The following ASAP2 variants were observed in gnomAD, a reference collection of about 807,000 sequenced individuals.
ASAP2 encodes the protein arf-GAP with SH3 domain, ANK repeat and PH domain-containing protein 2.
A neutral mutation model predicts 131.4 loss-of-function variants in ASAP2; 45 were observed. That is an observed-to-expected ratio of 0.34 (90% CI 0.27 to 0.44). ASAP2 has a LOEUF of 0.44. ASAP2 is among the 20% of genes least tolerant of loss of function. The pLI is 1.00. For synonymous variants in ASAP2, 510 were observed against 503.0 expected (o/e 1.01, Z -0.19); for missense variants, 1,011 against 1,297.0 (o/e 0.78, Z 3.39).
intron 1 of ASAP2, among the ~76,000 whole-genome samples, chr2:9,226,207 A>C (rs1662756597): frequency 6.6e-6 from 1 of 152,194 alleles, no homozygotes; most frequent in Non-Finnish European, 1.5e-5. Flanking sequence ...ATTATAATAA[A>C]ACTCTTAAAA....
intron 1 of ASAP2, among the ~76,000 whole-genome samples, chr2:9,227,043 A>C (rs2148008046): frequency 6.6e-6 from 1 of 152,278 alleles, no homozygotes; most frequent in South Asian, 2.1e-4. Flanking sequence ...CCTGGCGAGA[A>C]GGAAGTATGT....
rs1191361512 is a variant in ASAP2 at position 9,344,759 on chromosome 2, T to C, written c.982T>C (p.Cys328Arg). ...GIRKVWQKRK[C>R]SVKNGFLTIS... ...CCGAAAAGTGTGGCAGAAAAGGAAA[T>C]GTTCAGTTAAAAATGGTTTTCTGAC... The change falls in exon 11 of 28, where the codon TGT (cysteine) becomes CGT (arginine). Residue 328 changes from cysteine to arginine, a missense_variant. Physicochemically the swap from Cys to Arg is radical, Grantham distance 180. Transcript: ENST00000281419. 1.9e-6 allele frequency: 3 copies of C among 1,614,180 alleles called. No individual in the cohort carries two copies. Among genetic ancestry groups the C allele is most frequent in the Non-Finnish European group, 1.7e-6 (2 of 1,180,004 alleles).
chr2:9,364,729 A>C (rs542244579), intron 15 of ASAP2, among the ~76,000 whole-genome samples: 3 of 152,372 alleles, frequency 2.0e-5, no homozygotes, highest in South Asian at 4.1e-4. Flanking sequence ...ACTGTCTTCT[A>C]AGTTCACCTA....
intron 14 of ASAP2, 29 bp downstream of exon 14, chr2:9,356,374 G>A (rs770211523): frequency 2.6e-6 from 4 of 1,533,728 alleles, no homozygotes; most frequent in Non-Finnish European, 3.5e-6. Context: ...CCGACCCTGG[G>A]CTCTAGGACA....
At chr2:9,346,326 G>C (rs1006789337) in intron 11 of ASAP2, among the ~76,000 whole-genome samples, 14 of 151,798 alleles carry the variant, frequency 9.2e-5, no homozygotes, top group Non-Finnish European at 1.6e-4. Flanking sequence ...CTTGGGAGGA[G>C]AGAATTGCTT....
intron 6 of ASAP2, among the ~76,000 whole-genome samples, chr2:9,325,423 A>C (rs74665000): frequency 0.017 from 2,539 of 152,326 alleles, 88 homozygotes; most frequent in African/African-American, 0.058. Flanking sequence ...TTTTACAAAC[A>C]ATCAGGGTGA....
At chr2:9,208,190 A>C (rs977008301) in intron 1 of ASAP2, among the ~76,000 whole-genome samples, 2 of 152,006 alleles carry the variant, frequency 1.3e-5, no homozygotes, top group African/African-American at 2.4e-5. Flanking sequence ...AGTGCTTAGC[A>C]CTCTGCTCGG....
chr2:9,402,405 G>A (rs1484210449), intron 27 of ASAP2, among the ~76,000 whole-genome samples: 4 of 152,186 alleles, frequency 2.6e-5, no homozygotes, highest in Admixed American at 6.5e-5. Context: ...CGAGGCAGGC[G>A]GAACACTTGA....
chr2:9,344,022 C>G (rs927353102), intron 9 of ASAP2, among the ~76,000 whole-genome samples: 1 of 152,182 alleles, frequency 6.6e-6, no homozygotes, highest in Admixed American at 6.5e-5. Flanking sequence ...CATGTGTGAT[C>G]CTATTGAGTC....
In ASAP2 at chr2:9,311,698, C is replaced by T. The variant is rs1261653068; in HGVS notation, c.346-6826C>T. On this transcript the variant is annotated intron_variant, in intron 3 of 27. Coordinates refer to ENST00000281419, the MANE Select transcript of ASAP2 (RefSeq NM_003887.3). The surrounding 1 kb of genome is among the most constrained non-coding windows in gnomAD (Gnocchi z 5.2). Reference sequence around the variant, plus strand: ...CCTCTCGGCCAGAACTCGAGGATGGCTCGTTCGGCTGCGGGCCTGAGGCTG... The same window carrying T: ...CCTCTCGGCCAGAACTCGAGGATGGTTCGTTCGGCTGCGGGCCTGAGGCTG... Among the ~76,000 whole-genome samples, 1 of 152,214 alleles carries T rather than the reference C, an allele frequency of 6.6e-6. No homozygotes were observed. The highest frequency in any genetic ancestry group is 2.4e-5 in the African/African-American group (1 of 41,460).
chr2:9,327,858 A>G lies in ASAP2; in HGVS notation c.633A>G (p.Lys211=). Residue 211 remains lysine (K), a synonymous_variant, in exon 7 of 28, where the codon AAA becomes AAG. Coordinates refer to ENST00000281419, the MANE Select transcript of ASAP2 (RefSeq NM_003887.3). ...YLLKVNEIKI[K]KGVDLLQNLI... ...TGAAGGTCAACGAAATCAAGATTAA[A>G]AAGGGAGTAGATTTACTTCAGAATC... is the stretch of plus-strand genomic sequence containing the variant. 1.3e-6 allele frequency: 2 copies of G among 1,586,788 alleles called. No homozygotes were observed. Among genetic ancestry groups the G allele is most frequent in the Non-Finnish European group, 1.7e-6 (2 of 1,170,914 alleles).
intron 3 of ASAP2, among the ~76,000 whole-genome samples, chr2:9,317,812 A>AAT (rs149542865): frequency 7.6e-4 from 115 of 150,996 alleles, no homozygotes; most frequent in Admixed American, 2.2e-3. Context: ...ACACACTCAC[A>AAT]CAATCACACC....
At chr2:9,270,062 G>A (rs1029501386) in intron 1 of ASAP2, among the ~76,000 whole-genome samples, 2 of 152,162 alleles carry the variant, frequency 1.3e-5, no homozygotes, top group African/African-American at 4.8e-5. Context: ...GAAATATTTG[G>A]GACACATCCC....
chr2:9,248,394 A>T (rs927115791), intron 1 of ASAP2, among the ~76,000 whole-genome samples: 3 of 151,704 alleles, frequency 2.0e-5, no homozygotes, highest in Non-Finnish European at 4.4e-5. Context: ...TCTTCTGGGT[A>T]ATTAGTGTAT....
chr2:9,318,754 C>A (rs1278886581), intron 4 of ASAP2, among the ~76,000 whole-genome samples, 156 bp downstream of exon 4: 1 of 152,174 alleles, frequency 6.6e-6, no homozygotes, highest in Non-Finnish European at 1.5e-5. Flanking sequence ...ATCTTGGGAC[C>A]ACCTTTCAGC....
chr2:9,256,042 G>GT (rs1665134275), intron 1 of ASAP2, among the ~76,000 whole-genome samples: 1 of 151,614 alleles, frequency 6.6e-6, no homozygotes, highest in Non-Finnish European at 1.5e-5. Context: ...GAAGGAACCT[G>GT]TGTAGACTTA....
chr2:9,397,750 A>ATTTTTTTTT (rs1172660637), intron 24 of ASAP2, among the ~76,000 whole-genome samples: 9 of 44,804 alleles, frequency 2.0e-4, no homozygotes, highest in African/African-American at 1.0e-3. Context: ...ATATATATAT[A>ATTTTTTTTT]TTTTTTTTTT....
At chr2:9,357,549 T>C (rs1002079113) in intron 14 of ASAP2, among the ~76,000 whole-genome samples, 2 of 152,122 alleles carry the variant, frequency 1.3e-5, no homozygotes, top group Non-Finnish European at 2.9e-5. Flanking sequence ...AAGTAGTGAA[T>C]CATGGTCTTT....
At position 9,317,674 on chromosome 2, in the gene ASAP2, A is replaced by G. The variant is rs954725843; in HGVS notation, c.346-850A>G. ...CACACTTACACAATCACTCACATCC[A>G]TAATCACATCCTGAAACCCTCACAC... On this transcript the variant is annotated intron_variant, in intron 3 of 27. Coordinates refer to ENST00000281419, the MANE Select transcript of ASAP2 (RefSeq NM_003887.3). Among the ~76,000 whole-genome samples the G allele has an allele frequency of 5.3e-5, 8 of 149,868 alleles. No individual in the cohort carries two copies. In the East Asian group the frequency reaches 8.1e-4, roughly 15 times the overall value.
Sources: gnomAD v4.1 joint callset for allele counts (sites outside exome capture counted in the v4.1 genomes callset) on GRCh38, gnomAD v4.1.1 for gene constraint, Gnocchi (gnomAD v3.1) non-coding constraint, MANE v1.5 for transcripts, NCBI Gene and HGNC (gene_info 2026-07-23, HGNC 2026-07-21) for gene names.